Variants in SHCBP1L observed in about 807,000 individuals in gnomAD.
SHCBP1L encodes the protein SHC binding and spindle associated 1 like.
SHCBP1L carries 67 observed loss-of-function variants against 62.5 expected under a neutral mutation model. The ratio of observed to expected loss-of-function variants is 1.07; its 90% CI spans 0.88 to 1.31. The LOEUF (loss-of-function observed/expected upper bound fraction) is 1.31, where lower values mean the gene tolerates loss of function less well. SHCBP1L is among the 40% of genes most tolerant of loss of function. The pLI is 0.00. For missense variants in SHCBP1L, 823 were observed against 809.8 expected (o/e 1.02, Z -0.20); for synonymous variants, 284 against 289.4 (o/e 0.98, Z 0.19).
At chr1:182,941,894 T>C (rs1346553359) in intron 2 of SHCBP1L, among the ~76,000 whole-genome samples, 1 of 152,074 alleles carries the variant, frequency 6.6e-6, no homozygotes, top group Non-Finnish European at 1.5e-5. Flanking sequence ...TTTCTGGTTG[T>C]ACCAAAAAAT....
chr1:182,908,348 T>G (rs534721310), intron 6 of SHCBP1L, among the ~76,000 whole-genome samples: 1 of 151,450 alleles, frequency 6.6e-6, no homozygotes, highest in Admixed American at 6.6e-5. Flanking sequence ...TAGCTCCTGC[T>G]TGTAAGTGAG....
At chr1:182,915,806 C>CTTTT (rs535677579) in intron 6 of SHCBP1L, among the ~76,000 whole-genome samples, 3 of 133,234 alleles carry the variant, frequency 2.3e-5, no homozygotes, top group Admixed American at 7.4e-5. Context: ...ACAACGTATT[C>CTTTT]TTTTTTTTTT....
At chr1:182,907,939 T>C (rs1650067450) in intron 6 of SHCBP1L, among the ~76,000 whole-genome samples, 1 of 152,194 alleles carries the variant, frequency 6.6e-6, no homozygotes, top group African/African-American at 2.4e-5. Context: ...ATAACAAAAA[T>C]TGAAAAATTA....
intron 6 of SHCBP1L, among the ~76,000 whole-genome samples, chr1:182,924,974 G>GAAAGAAAGAAAGAAAGAAAA (rs1344712194): frequency 2.4e-4 from 26 of 109,564 alleles, no homozygotes; most frequent in Non-Finnish European, 3.5e-4. Flanking sequence ...AAGAAAGAAA[G>GAAAGAAAGAAAGAAAGAAAA]AAAAAAAAAG....
At chr1:182,932,130 TAACATTCCTTGTCTGGGTGTCCC>T (rs146794883) in intron 5 of SHCBP1L, among the ~76,000 whole-genome samples, 12,023 of 151,486 alleles carry the variant, frequency 0.079, 1,299 homozygotes, top group African/African-American at 0.25. Flanking sequence ...TAGTGCTGAA[TAACATTCCTTGTCTGGGTGTCCC>T]AACATTCCTT....
intron 3 of SHCBP1L, among the ~76,000 whole-genome samples, chr1:182,939,846 A>C (rs1249792523): frequency 3.3e-5 from 5 of 152,160 alleles, no homozygotes; most frequent in Admixed American, 3.3e-4. Flanking sequence ...ATACTACCAA[A>C]TTTGTATGGG....
intron 6 of SHCBP1L, among the ~76,000 whole-genome samples, chr1:182,916,417 AT>A (rs1357653837): frequency 3.9e-5 from 6 of 152,172 alleles, no homozygotes; most frequent in African/African-American, 1.4e-4. Flanking sequence ...AAAATCAAAA[AT>A]TAATTTTTTG....
intron 1 of SHCBP1L, among the ~76,000 whole-genome samples, chr1:182,952,191 A>AATATATAT (rs869051143): frequency 4.9e-4 from 12 of 24,246 alleles, no homozygotes; most frequent in Admixed American, 9.2e-4. Context: ...AAAAAAAAAA[A>AATATATAT]ATATATATAT....
chr1:182,940,978 A>G (rs1295700238), intron 2 of SHCBP1L, among the ~76,000 whole-genome samples: 1 of 152,120 alleles, frequency 6.6e-6, no homozygotes, highest in Non-Finnish European at 1.5e-5. Flanking sequence ...CAGCCTCCTC[A>G]GGACCTGGGA....
intron 6 of SHCBP1L, among the ~76,000 whole-genome samples, chr1:182,918,785 T>C (rs1650436743): frequency 6.6e-6 from 1 of 151,372 alleles, no homozygotes; most frequent in Admixed American, 6.6e-5. Flanking sequence ...AATAGTGTGG[T>C]ACTGGCATAA....
At chr1:182,913,443 C>T (rs936695855) in intron 6 of SHCBP1L, among the ~76,000 whole-genome samples, 4 of 152,116 alleles carry the variant, frequency 2.6e-5, no homozygotes, top group Admixed American at 1.3e-4. Flanking sequence ...GAGAAAGCCC[C>T]ACATATTTTG....
At chr1:182,947,114 A>G (rs1305857047) in intron 2 of SHCBP1L, among the ~76,000 whole-genome samples, 1 of 151,850 alleles carries the variant, frequency 6.6e-6, no homozygotes, top group Non-Finnish European at 1.5e-5. Flanking sequence ...GCTCGCGCCT[A>G]TAATCCCAGC....
intron 6 of SHCBP1L, among the ~76,000 whole-genome samples, chr1:182,923,944 T>A (rs1396407592): frequency 6.6e-6 from 1 of 152,182 alleles, no homozygotes; most frequent in East Asian, 1.9e-4. Context: ...GGAAGTCAAA[T>A]TATCTCTTTA....
At chr1:182,924,153 A>C (rs1013912498) in intron 6 of SHCBP1L, among the ~76,000 whole-genome samples, 2 of 152,196 alleles carry the variant, frequency 1.3e-5, no homozygotes, top group African/African-American at 4.8e-5. Context: ...CACACACAAA[A>C]TAAAATACCT....
In SHCBP1L at chr1:182,924,784, GAAAGAGAGAAAGA is replaced by G. The variant is rs1557996859; in HGVS notation, c.1182+4850_1182+4862del. Among the ~76,000 whole-genome samples, 8 of 96,434 alleles carry G rather than the reference GAAAGAGAGAAAGA, an allele frequency of 8.3e-5. No individual in the cohort carries two copies. The East Asian group carries it at 2.6e-3, about 31-fold the overall frequency. The allele number at this position is 96,434 out of a possible 152,430, so 63.3% of individuals were successfully genotyped here. A position where few individuals can be genotyped will look rare whatever the true frequency, so the allele number is the denominator to read the frequency against. Reference sequence around the variant, plus strand: ...AGAAAGAAAGAAAGAAAGAAAGAAAGAAAGAGAGAAAGAAAGGAAGGAAGGAAGGAGGGAAGAG... The same window carrying G: ...AGAAAGAAAGAAAGAAAGAAAGAAAGAAGGAAGGAAGGAAGGAGGGAAGAG... On this transcript the variant is annotated intron_variant, in intron 6 of 9. Coordinates refer to ENST00000367547, the MANE Select transcript of SHCBP1L (RefSeq NM_030933.4).
rs1247192312 is a variant in SHCBP1L, at chr1:182,924,772, G to GAAAGAAAGAAAGA, written c.1182+4862_1182+4874dup. ...AGAAAGAAAGAAAGAAAGAAAGAAA[G>GAAAGAAAGAAAGA]AAAGAAAGAAAGAAAGAGAGAAAGA... On this transcript the variant is annotated intron_variant, in intron 6 of 9. Transcript: ENST00000367547. Among the ~76,000 whole-genome samples, 18 of 92,966 alleles carry GAAAGAAAGAAAGA rather than the reference G, an allele frequency of 1.9e-4. 1 individual carries two copies. Among genetic ancestry groups the GAAAGAAAGAAAGA allele is most frequent in the South Asian group, 1.3e-3 (3 of 2,304 alleles). The allele number at this position is 92,966 out of a possible 152,430, so 61.0% of individuals were successfully genotyped here.
In SHCBP1L at chr1:182,899,910, T is replaced by C. The variant is rs1649770415; in HGVS notation, c.*73A>G. 7.8e-7 allele frequency: 1 copy of C among 1,274,728 alleles called. No homozygotes were observed. Among genetic ancestry groups the C allele is most frequent in the Non-Finnish European group, 1.1e-6 (1 of 945,530 alleles). The allele number at this position is 1,274,728 out of a possible 1,614,324, so 79.0% of individuals were successfully genotyped here. On this transcript the variant is annotated 3_prime_UTR_variant, in exon 10 of 10. Coordinates refer to ENST00000367547, the MANE Select transcript of SHCBP1L (RefSeq NM_030933.4). ...ATTAAGCTTTGAATTGAAACTACCATTTCAGTGGGGTATGAGAATCATGTA... is the reference window on the plus strand; with the variant it reads ...ATTAAGCTTTGAATTGAAACTACCACTTCAGTGGGGTATGAGAATCATGTA...
At chr1:182,926,622 G>A (rs1040526277) in intron 6 of SHCBP1L, among the ~76,000 whole-genome samples, 1 of 151,956 alleles carries the variant, frequency 6.6e-6, no homozygotes. Context: ...ATCAAATCCA[G>A]GTTTTTATGA....
intron 6 of SHCBP1L, among the ~76,000 whole-genome samples, chr1:182,917,005 A>G (rs1160058973): frequency 1.3e-5 from 2 of 152,144 alleles, no homozygotes; most frequent in Admixed American, 6.5e-5. Context: ...GAGTTTACCT[A>G]TGTAACAAAT....
Sources: gnomAD v4.1 joint callset for allele counts (sites outside exome capture counted in the v4.1 genomes callset) on GRCh38, gnomAD v4.1.1 for gene constraint, MANE v1.5 for transcripts, NCBI Gene and HGNC (gene_info 2026-07-23, HGNC 2026-07-21) for gene names.